RIMBP2: variants seen among roughly 807,000 people sequenced by gnomAD.
RIMBP2 encodes the protein RIMS binding protein 2, also known as RIMS-binding protein 2.
In RIMBP2, 48 loss-of-function variants were observed where a neutral mutation model predicts 118.6. That is an observed-to-expected ratio of 0.40 (90% CI 0.32 to 0.51). The LOEUF (loss-of-function observed/expected upper bound fraction) is 0.51, where lower values mean the gene tolerates loss of function less well. RIMBP2 is among the 20% of genes least tolerant of loss of function. The pLI, the probability that RIMBP2 is intolerant of heterozygous loss-of-function variation, is 0.41. For missense variants in RIMBP2, 1,551 were observed against 1,768.3 expected (o/e 0.88, Z 2.20); for synonymous variants, 762 against 742.9 (o/e 1.03, Z -0.42).
At chr12:130,539,170 T>A (rs748387738) in intron 2 of RIMBP2, among the ~76,000 whole-genome samples, 1 of 152,240 alleles carries the variant, frequency 6.6e-6, no homozygotes, top group Non-Finnish European at 1.5e-5. Context: ...AATATATACA[T>A]ACATATATAT....
intron 2 of RIMBP2, among the ~76,000 whole-genome samples, chr12:130,556,437 T>C (rs2056362365): frequency 6.6e-6 from 1 of 152,242 alleles, no homozygotes; most frequent in Non-Finnish European, 1.5e-5. Context: ...ATCAGGGTGC[T>C]GTCTGGAAAC....
Position 130,437,021 on chromosome 12 carries a change from C to T in RIMBP2, c.1927G>A (p.Glu643Lys), listed in dbSNP as rs749401233. ...GPHARMDEAW[E>K]QSRAPGPVHG... is the part of the protein sequence containing the mutation. ...ACAGGGCCAGGTGCACGGCTCTGCTCCCAGGCCTCATCCATCCTGGCGTGG... is the reference window on the plus strand; with the variant it reads ...ACAGGGCCAGGTGCACGGCTCTGCTTCCAGGCCTCATCCATCCTGGCGTGG... Residue 643 changes from glutamate (E) to lysine (K), a missense_variant, in exon 13 of 23, where the codon GAG (glutamate) becomes AAG (lysine). Coordinates refer to ENST00000690449, the MANE Select transcript of RIMBP2 (RefSeq NM_001393629.1). 17 of 1,591,328 alleles carry T rather than the reference C, an allele frequency of 1.1e-5. No individual in the cohort carries two copies. Among genetic ancestry groups the T allele is most frequent in the Non-Finnish European group, 1.5e-5 (17 of 1,167,050 alleles).
Position 130,697,025 on chromosome 12 carries a change from A to G in RIMBP2, c.-352+19197T>C, listed in dbSNP as rs142718640. On this transcript the variant is annotated intron_variant, in intron 1 of 22. Transcript: ENST00000690449. ...GTGCCTCGCCTGCCAGGCTGAAAACAGGGGATTTTATTTTGCAGACAATGA... is the reference window on the plus strand; with the variant it reads ...GTGCCTCGCCTGCCAGGCTGAAAACGGGGGATTTTATTTTGCAGACAATGA... 2.6e-5 allele frequency among the ~76,000 whole-genome samples: 4 copies of G among 152,344 alleles called. No individual in the cohort carries two copies. The East Asian group carries it at 7.7e-4, about 29-fold the overall frequency.
intron 2 of RIMBP2, among the ~76,000 whole-genome samples, chr12:130,552,507 G>A (rs1490943657): frequency 6.6e-6 from 1 of 152,184 alleles, no homozygotes; most frequent in Non-Finnish European, 1.5e-5. Flanking sequence ...AAATGATAAT[G>A]AGAGTGTTCT....
intron 2 of RIMBP2, among the ~76,000 whole-genome samples, chr12:130,575,229 C>A (rs1298552063): frequency 1.4e-5 from 2 of 138,756 alleles, no homozygotes; most frequent in Admixed American, 7.3e-5. Context: ...CCCACCCCCA[C>A]CCCCGGCAGT....
At position 130,434,596 on chromosome 12, in the gene RIMBP2, G is replaced by A; in HGVS notation, c.2253+138C>T. ...AACTTCAGAAACCTAGCACGACTTA[G>A]GACCCCAGCTGGGCGTCTCCATCTC... On this transcript the variant is annotated intron_variant, in intron 14 of 22. Transcript: ENST00000690449. The surrounding 1 kb of genome is among the most constrained non-coding windows in gnomAD (Gnocchi z 5.7). 4.6e-6 allele frequency: 4 copies of A among 861,554 alleles called. No homozygotes were observed. The East Asian group carries it at 1.1e-4, about 23-fold the overall frequency. The allele number at this position is 861,554 out of a possible 1,614,324, so 53.4% of individuals were successfully genotyped here.
At position 130,619,569 on chromosome 12, in the gene RIMBP2, A is replaced by G. The variant is rs1040666675; in HGVS notation, c.-217+8753T>C. ...CCAGTTCTGTATTAAGGGGTCTGGGAGATGTTCACACAAAACAGGAAATGC... is the reference window on the plus strand; with the variant it reads ...CCAGTTCTGTATTAAGGGGTCTGGGGGATGTTCACACAAAACAGGAAATGC... On this transcript the variant is annotated intron_variant, in intron 2 of 22. Transcript: ENST00000690449. Among the ~76,000 whole-genome samples, 30 of 152,278 alleles carry G rather than the reference A, an allele frequency of 2.0e-4. 1 individual carries two copies. Among genetic ancestry groups the G allele is most frequent in the African/African-American group, 7.2e-4 (30 of 41,564 alleles).
At chr12:130,605,386 T>G (rs1428650815) in intron 2 of RIMBP2, among the ~76,000 whole-genome samples, 1 of 152,116 alleles carries the variant, frequency 6.6e-6, no homozygotes, top group Non-Finnish European at 1.5e-5. Context: ...TAAAAAGACG[T>G]GGCTGCCAAC....
chr12:130,681,098 G>C (rs779241015), intron 1 of RIMBP2, among the ~76,000 whole-genome samples: 1 of 152,108 alleles, frequency 6.6e-6, no homozygotes, highest in Non-Finnish European at 1.5e-5. Flanking sequence ...TTCAAAAGAG[G>C]AACAATAATT....
At chr12:130,531,886 G>C (rs1291592664) in intron 2 of RIMBP2, among the ~76,000 whole-genome samples, 3 of 151,496 alleles carry the variant, frequency 2.0e-5, no homozygotes, top group Non-Finnish European at 4.4e-5. Flanking sequence ...CGTCTAATGA[G>C]ATGCGTATGT....
chr12:130,605,176 C>T (rs1566351326), intron 2 of RIMBP2, among the ~76,000 whole-genome samples: 1 of 152,174 alleles, frequency 6.6e-6, no homozygotes, highest in Non-Finnish European at 1.5e-5. Context: ...TGAAAGTATA[C>T]TTTAAAAGCT....
intron 8 of RIMBP2, 29 bp downstream of exon 8, chr12:130,451,166 C>A (rs748596875): frequency 1.2e-6 from 2 of 1,606,656 alleles, no homozygotes; most frequent in Non-Finnish European, 1.7e-6. Flanking sequence ...CACAGGCAGC[C>A]CCGGCAGCCC....
rs113257767 is a variant in RIMBP2 at position 130,518,318 on chromosome 12, C to G, written c.-216-401G>C. 9.0e-3 allele frequency among the ~76,000 whole-genome samples: 1,374 copies of G among 152,190 alleles called. 12 individuals carry two copies. Among genetic ancestry groups the G allele is most frequent in the Middle Eastern group, 0.044 (13 of 294 alleles). ...GAAAGTTTAGAAATATTTAGCCACT[C>G]AAAAATAAGATAAAGCATTCTAAGG... On this transcript the variant is annotated intron_variant, in intron 2 of 22. Coordinates refer to ENST00000690449, the MANE Select transcript of RIMBP2 (RefSeq NM_001393629.1).
intron 2 of RIMBP2, among the ~76,000 whole-genome samples, chr12:130,538,347 A>G (rs1430486261): frequency 2.0e-5 from 3 of 152,128 alleles, no homozygotes; most frequent in African/African-American, 7.2e-5. Context: ...CCACAGTCAC[A>G]ATTAGCCGTA....
At chr12:130,666,793 T>TGAG (rs2063934139) in intron 1 of RIMBP2, among the ~76,000 whole-genome samples, 1 of 57,472 alleles carries the variant, frequency 1.7e-5, no homozygotes, top group Admixed American at 2.2e-4. Context: ...AAGGGAGGGA[T>TGAG]GGAGGGAGGA....
chr12:130,590,615 G>T (rs2059195797), intron 2 of RIMBP2, among the ~76,000 whole-genome samples: 1 of 152,144 alleles, frequency 6.6e-6, no homozygotes, highest in African/African-American at 2.4e-5. Flanking sequence ...AAATAAGAGG[G>T]TTTACATCTG....
At chr12:130,569,459 C>T (rs779336029) in intron 2 of RIMBP2, among the ~76,000 whole-genome samples, 7 of 152,218 alleles carry the variant, frequency 4.6e-5, no homozygotes, top group Non-Finnish European at 8.8e-5. Flanking sequence ...AACCTAAAAC[C>T]AGCTGTCCCC....
At chr12:130,658,853 G>A (rs1324150487) in intron 1 of RIMBP2, 5 of 152,284 alleles carry the variant, frequency 3.3e-5, no homozygotes, top group East Asian at 3.9e-4. Flanking sequence ...TAGACCAGGC[G>A]GAGATGCAAG....
chr12:130,668,937 G>A (rs955717400), intron 1 of RIMBP2, among the ~76,000 whole-genome samples: 1 of 152,222 alleles, frequency 6.6e-6, no homozygotes, highest in African/African-American at 2.4e-5. Context: ...CGTTAGCAGG[G>A]CAATTATACC....
Sources: allele counts gnomAD v4.1 joint callset (sites outside exome capture counted in the v4.1 genomes callset), GRCh38; gene constraint gnomAD v4.1.1; non-coding constraint Gnocchi (gnomAD v3.1); transcripts MANE v1.5; gene names NCBI Gene and HGNC (gene_info 2026-07-23, HGNC 2026-07-21).